The following NCEH1 variants were observed in gnomAD, a reference collection of about 807,000 sequenced individuals.
NCEH1 encodes 2-acetyl MAGE hydrolase.
In NCEH1, 9 loss-of-function variants were observed where a neutral mutation model predicts 25.4. The ratio of observed to expected loss-of-function variants is 0.35; its 90% CI spans 0.21 to 0.62. NCEH1 has a LOEUF of 0.62. Ranked by LOEUF, NCEH1 falls within the 20% of genes least tolerant of loss-of-function variation. The probability of loss-of-function intolerance (pLI) is 0.72; values close to 1 mark genes in which losing one functional copy is unlikely to be tolerated. For synonymous variants in NCEH1, 200 were observed against 199.8 expected (o/e 1.00, Z -0.01); for missense variants, 412 against 501.1 (o/e 0.82, Z 1.70).
At chr3:172,686,945 T>A (rs946312496) in intron 1 of NCEH1, among the ~76,000 whole-genome samples, 2 of 152,120 alleles carry the variant, frequency 1.3e-5, no homozygotes, top group Non-Finnish European at 2.9e-5. Context: ...TTTAAGAAAG[T>A]GGAAAACATG....
intron 3 of NCEH1, among the ~76,000 whole-genome samples, chr3:172,641,214 G>T (rs1049577373): frequency 7.1e-6 from 1 of 140,768 alleles, no homozygotes; most frequent in African/African-American, 2.8e-5. Flanking sequence ...GTATAAATGA[G>T]GATACATCTG....
intron 1 of NCEH1, among the ~76,000 whole-genome samples, chr3:172,663,789 C>CT (rs979035767): frequency 2.6e-5 from 4 of 151,894 alleles, no homozygotes; most frequent in Non-Finnish European, 4.4e-5. Context: ...GCAACCCCTG[C>CT]TTTTTTTTGT....
intron 1 of NCEH1, among the ~76,000 whole-genome samples, chr3:172,654,023 G>A (rs982251442): frequency 4.6e-5 from 7 of 152,062 alleles, no homozygotes; most frequent in African/African-American, 7.2e-5. Context: ...CCAAAGTGCT[G>A]GGATTACAGG....
chr3:172,638,696 G>A (rs886237707), intron 3 of NCEH1, among the ~76,000 whole-genome samples: 1 of 152,148 alleles, frequency 6.6e-6, no homozygotes, highest in Non-Finnish European at 1.5e-5. Context: ...CTGTTTTCCT[G>A]GTTGCCCAGA....
At chr3:172,701,222 CTCTATATCT>C (rs1560209886) in intron 1 of NCEH1, among the ~76,000 whole-genome samples, 2 of 152,164 alleles carry the variant, frequency 1.3e-5, no homozygotes, top group African/African-American at 4.8e-5. Context: ...GGGTCCCAAA[CTCTATATCT>C]TCACCCTCAG....
chr3:172,640,370 T>C (rs1376285149), intron 3 of NCEH1, among the ~76,000 whole-genome samples: 7 of 152,236 alleles, frequency 4.6e-5, no homozygotes, highest in African/African-American at 7.2e-5. Flanking sequence ...AAATCCAGAT[T>C]GTGCTCTCTG....
chr3:172,643,819 C>T (rs149385932), intron 3 of NCEH1, among the ~76,000 whole-genome samples: 174 of 152,300 alleles, frequency 1.1e-3, no homozygotes, highest in Non-Finnish European at 2.0e-3. Flanking sequence ...GCTGGGGCTA[C>T]ACAAGAAACC....
chr3:172,700,863 T>C (rs1713640239), intron 1 of NCEH1, among the ~76,000 whole-genome samples: 1 of 151,750 alleles, frequency 6.6e-6, no homozygotes, highest in Non-Finnish European at 1.5e-5. Flanking sequence ...ACCAGTTATT[T>C]ATTGAAAAAA....
rs1215730127 is a variant in NCEH1, at chr3:172,653,748, T to G, written c.139-5634A>C. 5.3e-4 allele frequency among the ~76,000 whole-genome samples: 41 copies of G among 77,180 alleles called. 2 individuals carry two copies. The highest frequency in any genetic ancestry group is 2.3e-3 in the African/African-American group (40 of 17,316). 50.6% of individuals were successfully genotyped at this position (77,180 alleles called of 152,430 possible). A position where few individuals can be genotyped will look rare whatever the true frequency, so the allele number is the denominator to read the frequency against. On this transcript the variant is annotated intron_variant, in intron 1 of 4. Transcript: ENST00000475381. ...TGTTGTTGTTCTGTTTTTTTTGTTT[T>G]TTTGTTTTTTTGTTTTTTTTTTTTT...
chr3:172,660,016 G>A (rs1190854605), intron 1 of NCEH1, among the ~76,000 whole-genome samples: 1 of 151,314 alleles, frequency 6.6e-6, no homozygotes, highest in Non-Finnish European at 1.5e-5. Flanking sequence ...AAGTTCTAGG[G>A]TACATGTGCA....
At chr3:172,677,651 CGGG>C (rs906603637) in intron 1 of NCEH1, among the ~76,000 whole-genome samples, 1 of 49,638 alleles carries the variant, frequency 2.0e-5, no homozygotes, top group South Asian at 8.0e-4. Context: ...GGGGGAGGGG[CGGG>C]GGGGCGGCTC....
At chr3:172,692,897 G>T (rs191111037) in intron 1 of NCEH1, among the ~76,000 whole-genome samples, 1 of 152,266 alleles carries the variant, frequency 6.6e-6, no homozygotes, top group Non-Finnish European at 1.5e-5. Flanking sequence ...AGCTTCCTGT[G>T]TCTGCCATGC....
rs780425751 is a variant in NCEH1 at position 172,653,760 on chromosome 3, G to GTTTTTT, written c.139-5652_139-5647dup. ...GTTTTTTTTGTTTTTTTGTTTTTTT[G>GTTTTTT]TTTTTTTTTTTTTTTGAGACAGAGT... is the stretch of plus-strand genomic sequence containing the variant. On this transcript the variant is annotated intron_variant, in intron 1 of 4. Transcript: ENST00000475381. Among the ~76,000 whole-genome samples the GTTTTTT allele has an allele frequency of 8.1e-3, 442 of 54,360 alleles. 8 individuals carry two copies. The highest frequency in any genetic ancestry group is 0.023 in the African/African-American group (424 of 18,626). The allele number at this position is 54,360 out of a possible 152,430, so 35.7% of individuals were successfully genotyped here.
chr3:172,676,190 G>A (rs1384998221), intron 1 of NCEH1, among the ~76,000 whole-genome samples: 4 of 152,162 alleles, frequency 2.6e-5, no homozygotes, highest in African/African-American at 4.8e-5. Flanking sequence ...CAGAGAGAGA[G>A]GCTAAAAGGA....
chr3:172,703,729 T>C (rs1209266099), intron 1 of NCEH1, among the ~76,000 whole-genome samples: 1 of 152,110 alleles, frequency 6.6e-6, no homozygotes, highest in Non-Finnish European at 1.5e-5. Context: ...CAGGGTTATA[T>C]TTGTAGAAGT....
At chr3:172,699,276 C>T (rs985708042) in intron 1 of NCEH1, among the ~76,000 whole-genome samples, 6 of 152,166 alleles carry the variant, frequency 3.9e-5, no homozygotes, top group African/African-American at 1.4e-4. Flanking sequence ...AGCAGATTCA[C>T]GAGCTGAACT....
chr3:172,660,980 G>T (rs1717946796), intron 1 of NCEH1, among the ~76,000 whole-genome samples: 1 of 152,134 alleles, frequency 6.6e-6, no homozygotes, highest in African/African-American at 2.4e-5. Flanking sequence ...AGTTTAATTA[G>T]ATCCCATTTG....
chr3:172,637,032 G>A (rs1483883528), intron 3 of NCEH1, among the ~76,000 whole-genome samples: 1 of 152,092 alleles, frequency 6.6e-6, no homozygotes, highest in Non-Finnish European at 1.5e-5. Flanking sequence ...ACCATTCCTT[G>A]ATATTTCTAT....
chr3:172,660,675 G>C (rs575184778), intron 1 of NCEH1, among the ~76,000 whole-genome samples: 1 of 152,150 alleles, frequency 6.6e-6, no homozygotes, highest in Non-Finnish European at 1.5e-5. Flanking sequence ...ATTCTAACTG[G>C]TGTGAGATGG....
Sources: allele counts gnomAD v4.1 joint callset (sites outside exome capture counted in the v4.1 genomes callset), GRCh38; gene constraint gnomAD v4.1.1; transcripts MANE v1.5; gene names NCBI Gene and HGNC (gene_info 2026-07-23, HGNC 2026-07-21).